Variants in LDLRAD3 observed in about 807,000 individuals in gnomAD.
LDLRAD3 encodes the protein low density lipoprotein receptor class A domain containing 3.
In LDLRAD3, 20 loss-of-function variants were observed where a neutral mutation model predicts 29.4. That is an observed-to-expected ratio of 0.68 (90% CI 0.48 to 0.99). The LOEUF (loss-of-function observed/expected upper bound fraction) is 0.99, where lower values mean the gene tolerates loss of function less well. Ranked by LOEUF, LDLRAD3 falls within the 50% of genes least tolerant of loss-of-function variation. LDLRAD3 has a pLI of 0.00. For synonymous variants in LDLRAD3, 157 were observed against 192.7 expected (o/e 0.81, Z 1.53); for missense variants, 420 against 454.3 (o/e 0.92, Z 0.69).
At chr11:36,173,232 A>C (rs1424637010) in intron 4 of LDLRAD3, among the ~76,000 whole-genome samples, 1 of 151,844 alleles carries the variant, frequency 6.6e-6, no homozygotes, top group Non-Finnish European at 1.5e-5. Context: ...ACATGTGCAC[A>C]ATGTGCAGGT....
chr11:36,039,133 C>T (rs1852347687), intron 2 of LDLRAD3, among the ~76,000 whole-genome samples: 1 of 152,070 alleles, frequency 6.6e-6, no homozygotes, highest in African/African-American at 2.4e-5. Context: ...CTACGCCCGG[C>T]TACTTTTTTG....
intron 2 of LDLRAD3, among the ~76,000 whole-genome samples, chr11:36,077,699 T>C (rs1366226963): frequency 6.6e-6 from 1 of 152,212 alleles, no homozygotes; most frequent in Non-Finnish European, 1.5e-5. Context: ...GCCCAGAACC[T>C]TGGAGACTTC....
At position 36,036,237 on chromosome 11, in the gene LDLRAD3, G is replaced by A; in HGVS notation, c.181G>A (p.Glu61Lys). The A allele has an allele frequency of 6.2e-7, 1 of 1,614,136 alleles. No homozygotes were observed. The highest frequency in any genetic ancestry group is 8.5e-7 in the Non-Finnish European group (1 of 1,180,024). Reference sequence around the variant, plus strand: ...GCCTGACTGCTTCGACAAGAGTGATGAGAAGGAGTGCCGTGAGTGGCCTGG... The same window carrying A: ...GCCTGACTGCTTCGACAAGAGTGATAAGAAGGAGTGCCGTGAGTGGCCTGG... ...GLPDCFDKSDEKECPKAKSKC... is the reference protein window; with the variant it reads ...GLPDCFDKSDKKECPKAKSKC... Residue 61 changes from glutamate to lysine, a missense_variant, in exon 2 of 6, where the codon GAG becomes AAG. Coordinates refer to ENST00000315571, the MANE Select transcript of LDLRAD3 (RefSeq NM_174902.4).
At chr11:36,131,137 TGGCTCATGCCTGTAA>T (rs1302616002) in intron 4 of LDLRAD3, among the ~76,000 whole-genome samples, 1 of 152,240 alleles carries the variant, frequency 6.6e-6, no homozygotes, top group East Asian at 1.9e-4. Context: ...CCGGGCACAG[TGGCTCATGCCTGTAA>T]GGCTCATGCC....
In LDLRAD3 at chr11:36,011,043, G is replaced by A. The variant is rs569564257; in HGVS notation, c.47-25060G>A. On this transcript the variant is annotated intron_variant, in intron 1 of 5. Transcript: ENST00000315571. ...TGGTCTCGAACTCCTAACCTCAGGT[G>A]ATCTGCCTGCCTTGGCCTCCCAAAG... 6.6e-4 allele frequency among the ~76,000 whole-genome samples: 101 copies of A among 152,304 alleles called. No homozygotes were observed. In the South Asian group the frequency reaches 0.021, roughly 31 times the overall value.
chr11:36,147,973 C>T (rs950517261), intron 4 of LDLRAD3, among the ~76,000 whole-genome samples: 8 of 152,190 alleles, frequency 5.3e-5, no homozygotes, highest in South Asian at 2.1e-4. Context: ...CAGGTTTAAG[C>T]GATTCTCCTG....
intron 4 of LDLRAD3, among the ~76,000 whole-genome samples, chr11:36,156,954 A>G (rs1854362373): frequency 6.6e-6 from 1 of 152,244 alleles, no homozygotes; most frequent in East Asian, 1.9e-4. Flanking sequence ...CACACAAAGT[A>G]CATTCAGGTT....
At chr11:36,027,135 G>A (rs193132246) in intron 1 of LDLRAD3, among the ~76,000 whole-genome samples, 2 of 152,304 alleles carry the variant, frequency 1.3e-5, no homozygotes, top group Admixed American at 1.3e-4. Context: ...CCGTGTATGA[G>A]TTCCTGTTCC....
chr11:35,971,995 G>A (rs1252608526), intron 1 of LDLRAD3, among the ~76,000 whole-genome samples: 1 of 152,160 alleles, frequency 6.6e-6, no homozygotes, highest in Non-Finnish European at 1.5e-5. Flanking sequence ...TGCCGGTGTG[G>A]GGGAGGAGTC....
intron 4 of LDLRAD3, among the ~76,000 whole-genome samples, chr11:36,104,736 C>T (rs1262370160): frequency 6.6e-6 from 1 of 152,138 alleles, no homozygotes; most frequent in African/African-American, 2.4e-5. Flanking sequence ...TGTTCCTGGT[C>T]TAGTCCGCAC....
intron 1 of LDLRAD3, among the ~76,000 whole-genome samples, chr11:36,013,115 C>T (rs1851975751): frequency 1.3e-5 from 2 of 152,186 alleles, no homozygotes; most frequent in Admixed American, 1.3e-4. Context: ...TTCCAAATAT[C>T]GCTGAGTGTT....
intron 1 of LDLRAD3, among the ~76,000 whole-genome samples, chr11:35,980,363 G>T (rs1851525570): frequency 6.6e-6 from 1 of 152,136 alleles, no homozygotes; most frequent in South Asian, 2.1e-4. Context: ...TCCTGTTAGG[G>T]AACCGATCCA....
intron 1 of LDLRAD3, among the ~76,000 whole-genome samples, chr11:35,957,073 C>T (rs1042548494): frequency 1.3e-5 from 2 of 152,200 alleles, no homozygotes; most frequent in African/African-American, 4.8e-5. Flanking sequence ...TATAATTGCT[C>T]ACTAAATGTT....
chr11:35,964,035 G>A lies in LDLRAD3; in HGVS notation c.46+19891G>A, dbSNP rs148293390. On this transcript the variant is annotated intron_variant, in intron 1 of 5. Transcript: ENST00000315571. The stretch of plus-strand genomic sequence containing the variant: ...AAGGATTGGGAAGGCAGTCCTTGAT[G>A]TGATGGAATTCCAGGATGGCGTGGG... 4.1e-3 allele frequency among the ~76,000 whole-genome samples: 630 copies of A among 152,296 alleles called. 4 individuals carry two copies. Among genetic ancestry groups the A allele is most frequent in the African/African-American group, 0.015 (610 of 41,562 alleles).
At chr11:35,947,499 TA>T (rs1233988292) in intron 1 of LDLRAD3, among the ~76,000 whole-genome samples, 641 of 135,792 alleles carry the variant, frequency 4.7e-3, no homozygotes, top group Non-Finnish European at 4.6e-3. Context: ...CTGCCTCAAT[TA>T]AAAAAAAAAA....
chr11:36,143,029 C>T (rs753583983), intron 4 of LDLRAD3, among the ~76,000 whole-genome samples: 1 of 152,200 alleles, frequency 6.6e-6, no homozygotes, highest in Non-Finnish European at 1.5e-5. Flanking sequence ...TGATTAAACA[C>T]GTACTATGTG....
chr11:36,070,398 G>C (rs1160066732), intron 2 of LDLRAD3, among the ~76,000 whole-genome samples: 1 of 152,144 alleles, frequency 6.6e-6, no homozygotes, highest in Admixed American at 6.5e-5. Flanking sequence ...GCACACAAAT[G>C]GGGAAGAAGA....
intron 4 of LDLRAD3, among the ~76,000 whole-genome samples, chr11:36,144,869 C>A (rs1220600357): frequency 2.1e-5 from 2 of 95,096 alleles, no homozygotes; most frequent in Non-Finnish European, 4.8e-5. Context: ...GTCAGCCCCC[C>A]GCCCGGCCAG....
chr11:36,139,117 C>T (rs959537190), intron 4 of LDLRAD3, among the ~76,000 whole-genome samples: 1 of 152,220 alleles, frequency 6.6e-6, no homozygotes. Flanking sequence ...TAGCTTGATA[C>T]TGCTGGTCTT....
Sources: allele counts gnomAD v4.1 joint callset (sites outside exome capture counted in the v4.1 genomes callset), GRCh38; gene constraint gnomAD v4.1.1; transcripts MANE v1.5; gene names NCBI Gene and HGNC (gene_info 2026-07-23, HGNC 2026-07-21).